CACNB2: variants seen among roughly 807,000 people sequenced by gnomAD.
The protein encoded by CACNB2 is voltage-dependent L-type calcium channel subunit beta-2.
A neutral mutation model predicts 73.3 loss-of-function variants in CACNB2; 42 were observed. The observed-to-expected ratio is 0.57, with a 90% confidence interval of 0.45 to 0.74. The LOEUF is 0.74. Among genes scored for constraint, CACNB2 ranks in the 30% least tolerant of loss-of-function variants. The pLI is 0.00. For missense variants in CACNB2, 940 were observed against 853.0 expected, an observed-to-expected ratio of 1.10 and a Z score of -1.27; for synonymous variants, 348 against 310.3, an observed-to-expected ratio of 1.12 and a Z score of -1.28.
At chr10:18,393,325 G>A (rs1564499495) in intron 2 of CACNB2, among the ~76,000 whole-genome samples, 1 of 152,100 alleles carries the variant, frequency 6.6e-6, no homozygotes, top group African/African-American at 2.4e-5. Context: ...GCCTATGACT[G>A]AAATCCAAAA....
intron 3 of CACNB2, among the ~76,000 whole-genome samples, chr10:18,473,626 G>A (rs1262376099): frequency 6.6e-6 from 1 of 152,176 alleles, no homozygotes; most frequent in African/African-American, 2.4e-5. Flanking sequence ...CTTTTCTGGT[G>A]CACTGGTGTG....
intron 2 of CACNB2, among the ~76,000 whole-genome samples, chr10:18,274,383 C>G (rs73601564): frequency 0.012 from 1,797 of 152,262 alleles, 48 homozygotes; most frequent in African/African-American, 0.041. Flanking sequence ...TAAGGTTGTG[C>G]AAGAAGCTTC....
Position 18,404,811 on chromosome 10 carries a change from C to T in CACNB2, c.333+2768C>T, listed in dbSNP as rs549373958. ...AAGTGACCTACAAAAGGTTATATAA[C>T]GAAGTACTCTGTGCTGTCAATAAAC... On this transcript the variant is annotated intron_variant, in intron 3 of 13. Transcript: ENST00000324631. 8.5e-4 allele frequency among the ~76,000 whole-genome samples: 129 copies of T among 152,160 alleles called. 2 individuals carry two copies. Among genetic ancestry groups the T allele is most frequent in the Non-Finnish European group, 1.4e-3 (98 of 68,034 alleles).
At chr10:18,506,679 G>A (rs1416660199) in intron 6 of CACNB2, 132 bp downstream of exon 6, 1 of 706,298 alleles carries the variant, frequency 1.4e-6, no homozygotes, top group East Asian at 2.7e-5. Context: ...AATCAGAAGT[G>A]AGCATGCCCT....
chr10:18,207,128 C>T (rs986985417), intron 2 of CACNB2, among the ~76,000 whole-genome samples: 18 of 152,136 alleles, frequency 1.2e-4, no homozygotes, highest in Admixed American at 4.6e-4. Flanking sequence ...CCTGCCTCAG[C>T]CTCCCTAGTA....
intron 1 of CACNB2, among the ~76,000 whole-genome samples, chr10:18,143,569 G>T (rs150197603): frequency 6.6e-6 from 1 of 152,100 alleles, no homozygotes; most frequent in Non-Finnish European, 1.5e-5. Flanking sequence ...CTTGAATTGC[G>T]TTCATCTCAC....
intron 2 of CACNB2, among the ~76,000 whole-genome samples, chr10:18,221,588 A>G (rs973070564): frequency 2.6e-5 from 4 of 152,130 alleles, no homozygotes; most frequent in Admixed American, 2.6e-4. Flanking sequence ...CTGGGGTGGG[A>G]GGACTGCTTA....
intron 2 of CACNB2, among the ~76,000 whole-genome samples, chr10:18,306,688 A>G (rs1233768500): frequency 6.6e-6 from 1 of 152,200 alleles, no homozygotes; most frequent in Non-Finnish European, 1.5e-5. Context: ...GTTAGTAGCT[A>G]GGAGCCAAAG....
chr10:18,496,535 G>A lies in CACNB2; in HGVS notation c.334-1820G>A, dbSNP rs184027860. On this transcript the variant is annotated intron_variant, in intron 3 of 13. Coordinates refer to ENST00000324631, the MANE Select transcript of CACNB2 (RefSeq NM_201596.3). ...ATTTTTTTAAAGAATAGGTTAAGCCGGACGCGGTGGCTCATGCCTATAATC... is the reference window on the plus strand; with the variant it reads ...ATTTTTTTAAAGAATAGGTTAAGCCAGACGCGGTGGCTCATGCCTATAATC... Among the ~76,000 whole-genome samples, 16 of 152,254 alleles carry A rather than the reference G, an allele frequency of 1.1e-4. 1 individual carries two copies. The highest frequency in any genetic ancestry group is 6.8e-3 in the Middle Eastern group (2 of 294).
chr10:18,402,928 C>A (rs115611648), intron 3 of CACNB2, among the ~76,000 whole-genome samples: 2,294 of 152,300 alleles, frequency 0.015, 72 homozygotes, highest in African/African-American at 0.052. Context: ...TGCCTCATCT[C>A]TGAGATGAGT....
intron 5 of CACNB2, among the ~76,000 whole-genome samples, chr10:18,502,307 CA>C (rs34086285): frequency 4.1e-5 from 6 of 147,906 alleles, no homozygotes; most frequent in Non-Finnish European, 4.5e-5. Context: ...GACTCTATCT[CA>C]AAAAAAAAAG....
intron 3 of CACNB2, among the ~76,000 whole-genome samples, chr10:18,419,608 A>C (rs896191851): frequency 6.6e-6 from 1 of 152,202 alleles, no homozygotes; most frequent in Non-Finnish European, 1.5e-5. Flanking sequence ...GTACCTGGAA[A>C]AGGGGTCTTG....
At chr10:18,306,986 G>T (rs893471712) in intron 2 of CACNB2, among the ~76,000 whole-genome samples, 32 of 152,246 alleles carry the variant, frequency 2.1e-4, no homozygotes, top group Middle Eastern at 3.4e-3. Flanking sequence ...GATGATGTCT[G>T]TCAGTTCCTG....
intron 2 of CACNB2, among the ~76,000 whole-genome samples, chr10:18,361,745 G>A (rs552471268): frequency 3.6e-4 from 55 of 151,654 alleles, no homozygotes; most frequent in Non-Finnish European, 5.9e-4. Context: ...CCTGAATAGC[G>A]GGGATTACAG....
At chr10:18,143,161 T>C (rs902028583) in intron 1 of CACNB2, among the ~76,000 whole-genome samples, 5 of 152,202 alleles carry the variant, frequency 3.3e-5, no homozygotes, top group African/African-American at 1.2e-4. Flanking sequence ...TTGGAATCTT[T>C]AGTGTATTGA....
chr10:18,167,876 G>A (rs1264895440), intron 2 of CACNB2, among the ~76,000 whole-genome samples: 2 of 152,158 alleles, frequency 1.3e-5, no homozygotes, highest in Non-Finnish European at 2.9e-5. Context: ...CAGCCCCAGT[G>A]AAAACCCTGT....
At chr10:18,183,563 C>G (rs2033996591) in intron 2 of CACNB2, among the ~76,000 whole-genome samples, 1 of 152,162 alleles carries the variant, frequency 6.6e-6, no homozygotes, top group Non-Finnish European at 1.5e-5. Flanking sequence ...AGAGCTTGTA[C>G]AGGGGAACCC....
At chr10:18,171,272 G>C (rs1393466054) in intron 2 of CACNB2, among the ~76,000 whole-genome samples, 3 of 152,108 alleles carry the variant, frequency 2.0e-5, no homozygotes, top group African/African-American at 7.2e-5. Context: ...AGGGGATTGT[G>C]ATAAGTTAGG....
chr10:18,524,207 G>C (rs959526724), intron 9 of CACNB2, among the ~76,000 whole-genome samples: 3 of 145,580 alleles, frequency 2.1e-5, no homozygotes. Flanking sequence ...TAAATTCACG[G>C]TTTTTTTTTT....
Sources: gnomAD v4.1 joint callset for allele counts (sites outside exome capture counted in the v4.1 genomes callset) on GRCh38, gnomAD v4.1.1 for gene constraint, MANE v1.5 for transcripts, NCBI Gene and HGNC (gene_info 2026-07-23, HGNC 2026-07-21) for gene names.